Variants in FAM81B observed in about 807,000 individuals in gnomAD.
FAM81B encodes family with sequence similarity 81 member B.
Under a neutral mutation model 58.7 loss-of-function variants are expected in FAM81B, and 60 were observed. That is an observed-to-expected ratio of 1.02 (90% CI 0.83 to 1.27). The LOEUF (loss-of-function observed/expected upper bound fraction) is 1.27. Ranked by LOEUF, FAM81B falls within the 50% of genes most tolerant of loss-of-function variation. FAM81B has a pLI of 0.00. For synonymous variants in FAM81B, 189 were observed against 179.6 expected, an observed-to-expected ratio of 1.05 and a Z score of -0.42; for missense variants, 491 against 522.0, an observed-to-expected ratio of 0.94 and a Z score of 0.58.
chr5:95,407,410 G>T (rs770841492), intron 3 of FAM81B, among the ~76,000 whole-genome samples: 3 of 122,652 alleles, frequency 2.4e-5, no homozygotes, highest in Non-Finnish European at 1.7e-5. Flanking sequence ...ACACACACAC[G>T]CACACACACA....
chr5:95,435,356 T>A (rs1364791991), intron 6 of FAM81B, among the ~76,000 whole-genome samples: 1 of 152,156 alleles, frequency 6.6e-6, no homozygotes, highest in African/African-American at 2.4e-5. Context: ...TTTAGCACAG[T>A]GTGGAGTTAT....
intron 3 of FAM81B, among the ~76,000 whole-genome samples, chr5:95,401,403 C>T (rs73778809): frequency 0.028 from 4,326 of 152,274 alleles, 219 homozygotes; most frequent in African/African-American, 0.098. Flanking sequence ...CCCCCCAGAG[C>T]ATTCAGCCCT....
intron 7 of FAM81B, among the ~76,000 whole-genome samples, chr5:95,441,431 T>C (rs1450656600): frequency 6.6e-6 from 1 of 151,770 alleles, no homozygotes; most frequent in Non-Finnish European, 1.5e-5. Flanking sequence ...TAGCCGGCCG[T>C]GGTGGCGGGC....
intron 4 of FAM81B, among the ~76,000 whole-genome samples, chr5:95,419,918 G>A (rs1272206856): frequency 1.3e-5 from 2 of 152,136 alleles, no homozygotes. Flanking sequence ...ATGGCCAACG[G>A]CAACCCATGA....
At chr5:95,425,912 TTC>T in intron 5 of FAM81B, among the ~76,000 whole-genome samples, 1 of 150,636 alleles carries the variant, frequency 6.6e-6, no homozygotes, top group Non-Finnish European at 1.5e-5. Flanking sequence ...TTTTTATAGA[TTC>T]TTTTTTTTAG....
intron 7 of FAM81B, among the ~76,000 whole-genome samples, chr5:95,437,406 C>G (rs1745148251): frequency 6.6e-6 from 1 of 152,124 alleles, no homozygotes; most frequent in South Asian, 2.1e-4. Context: ...AGTGCAGTGG[C>G]GCGTCTCTGC....
intron 3 of FAM81B, 149 bp from the exon 4 acceptor site, chr5:95,413,798 A>G (rs1399550551): frequency 6.5e-6 from 9 of 1,379,492 alleles, no homozygotes; most frequent in Non-Finnish European, 7.6e-6. Flanking sequence ...CCTTCACCAA[A>G]TTCTAACCAT....
chr5:95,400,433 T>TACAC (rs71617108), intron 3 of FAM81B, among the ~76,000 whole-genome samples: 6 of 137,998 alleles, frequency 4.3e-5, no homozygotes, highest in African/African-American at 1.2e-4. Context: ...CATACATACA[T>TACAC]ACACACACAC....
At chr5:95,405,555 T>C (rs1424876831) in intron 3 of FAM81B, among the ~76,000 whole-genome samples, 2 of 152,242 alleles carry the variant, frequency 1.3e-5, no homozygotes, top group Non-Finnish European at 2.9e-5. Flanking sequence ...TAGAAATTTA[T>C]TGTGTACATT....
At chr5:95,421,536 C>T (rs1762684167) in intron 5 of FAM81B, among the ~76,000 whole-genome samples, 1 of 151,898 alleles carries the variant, frequency 6.6e-6, no homozygotes, top group Non-Finnish European at 1.5e-5. Flanking sequence ...CAGTCCAGAC[C>T]TGGAGGATGA....
chr5:95,449,133 A>C (rs1483001865), intron 9 of FAM81B, among the ~76,000 whole-genome samples: 1 of 152,192 alleles, frequency 6.6e-6, no homozygotes, highest in African/African-American at 2.4e-5. Context: ...GAAAGTCCCA[A>C]GTAATTTTTT....
chr5:95,396,051 C>A (rs1213834365), intron 2 of FAM81B, 60 bp from the exon 3 acceptor site: 1 of 1,301,370 alleles, frequency 7.7e-7, no homozygotes, highest in African/African-American at 1.5e-5. Context: ...AGATAAACTG[C>A]ATAGAAGTAA....
chr5:95,398,303 C>A (rs141113046), intron 3 of FAM81B, among the ~76,000 whole-genome samples: 2 of 152,070 alleles, frequency 1.3e-5, no homozygotes, highest in African/African-American at 4.8e-5. Context: ...CCTGTAATCC[C>A]AGCTACTCGA....
chr5:95,404,868 T>C (rs1248131180), intron 3 of FAM81B, among the ~76,000 whole-genome samples: 1 of 152,122 alleles, frequency 6.6e-6, no homozygotes, highest in East Asian at 1.9e-4. Flanking sequence ...TTCTAGAAGA[T>C]AAAATGGGGT....
intron 4 of FAM81B, among the ~76,000 whole-genome samples, chr5:95,414,780 A>G (rs1762495107): frequency 6.6e-6 from 1 of 152,178 alleles, no homozygotes; most frequent in Non-Finnish European, 1.5e-5. Flanking sequence ...ATAGCCTCGT[A>G]ACAGAGGATT....
chr5:95,412,556 A>G (rs1318250966), intron 3 of FAM81B, among the ~76,000 whole-genome samples: 1 of 152,200 alleles, frequency 6.6e-6, no homozygotes. Flanking sequence ...TGGCCAATTC[A>G]CTTGTCTGAA....
chr5:95,393,516 T>A (rs1003034595), intron 2 of FAM81B, among the ~76,000 whole-genome samples: 7 of 152,228 alleles, frequency 4.6e-5, no homozygotes, highest in African/African-American at 1.7e-4. Flanking sequence ...AGGCTTATCA[T>A]ACAAAGTTAT....
In FAM81B at chr5:95,414,634, C is replaced by T. The variant is rs145784675; in HGVS notation, c.537+444C>T. Among the ~76,000 whole-genome samples, 7 of 152,300 alleles carry T rather than the reference C, an allele frequency of 4.6e-5. 1 individual carries two copies. The highest frequency in any genetic ancestry group is 1.7e-4 in the African/African-American group (7 of 41,568). ...TTTCCTTCACTCTGGCCACACTGGC[C>T]TCCCAGCTGTTCCTAGGACATTCCA... On this transcript the variant is annotated intron_variant, in intron 4 of 9. Coordinates refer to ENST00000283357, the MANE Select transcript of FAM81B (RefSeq NM_152548.3).
chr5:95,404,852 A>G (rs575032504), intron 3 of FAM81B, among the ~76,000 whole-genome samples: 2 of 152,330 alleles, frequency 1.3e-5, no homozygotes, highest in East Asian at 3.9e-4. Flanking sequence ...GATAATGACA[A>G]ATGCTTTCTA....
Sources: gnomAD v4.1 joint callset for allele counts (sites outside exome capture counted in the v4.1 genomes callset) on GRCh38, gnomAD v4.1.1 for gene constraint, MANE v1.5 for transcripts, NCBI Gene and HGNC (gene_info 2026-07-23, HGNC 2026-07-21) for gene names.